Variants in MMP16 observed in about 807,000 individuals in gnomAD.
MMP16 encodes the protein matrix metalloproteinase-16.
MMP16 carries 12 observed loss-of-function variants against 67.8 expected under a neutral mutation model. That is an observed-to-expected ratio of 0.18 (90% CI 0.11 to 0.29). The LOEUF (loss-of-function observed/expected upper bound fraction) is 0.29, where lower values mean the gene tolerates loss of function less well. MMP16 is among the 10% of genes least tolerant of loss of function. The pLI is 1.00. For synonymous variants in MMP16, 249 were observed against 255.9 expected (o/e 0.97, Z 0.26); for missense variants, 475 against 765.7 (o/e 0.62, Z 4.48).
chr8:88,213,476 A>C (rs980620403), intron 1 of MMP16, among the ~76,000 whole-genome samples: 32 of 152,288 alleles, frequency 2.1e-4, no homozygotes, highest in African/African-American at 7.5e-4. Flanking sequence ...AAAGAATAGA[A>C]AATAAGGTAA....
At chr8:88,166,688 C>CATATATATATATATATATAT (rs1166566212) in intron 4 of MMP16, among the ~76,000 whole-genome samples, 1 of 58,392 alleles carries the variant, frequency 1.7e-5, no homozygotes, top group African/African-American at 5.5e-5. Flanking sequence ...CAAAAAATTA[C>CATATATATATATATATATAT]ATATATATAT....
chr8:88,051,089 T>G (rs1268222531), intron 8 of MMP16, among the ~76,000 whole-genome samples: 1 of 152,236 alleles, frequency 6.6e-6, no homozygotes, highest in Non-Finnish European at 1.5e-5. Flanking sequence ...GTCTGCTTTG[T>G]GTCAGCTTTG....
At chr8:88,188,547 ATTACT>A (rs1809115298) in intron 2 of MMP16, among the ~76,000 whole-genome samples, 1 of 152,160 alleles carries the variant, frequency 6.6e-6, no homozygotes. Context: ...AGTCTCTAAA[ATTACT>A]TTAGTATGTA....
intron 7 of MMP16, among the ~76,000 whole-genome samples, chr8:88,060,879 G>A (rs1406582476): frequency 1.3e-5 from 2 of 151,834 alleles, no homozygotes; most frequent in Admixed American, 1.3e-4. Flanking sequence ...TCAAATATAG[G>A]ATCAAAAATC....
intron 1 of MMP16, among the ~76,000 whole-genome samples, chr8:88,219,619 G>A (rs1226726969): frequency 2.6e-5 from 4 of 152,110 alleles, no homozygotes; most frequent in Non-Finnish European, 5.9e-5. Flanking sequence ...GAGACCAACA[G>A]CCATTTAAAA....
intron 1 of MMP16, among the ~76,000 whole-genome samples, chr8:88,312,173 C>T (rs1811305419): frequency 6.6e-6 from 1 of 152,036 alleles, no homozygotes; most frequent in Non-Finnish European, 1.5e-5. Context: ...AAGAGAGATG[C>T]CAACTGGAGA....
chr8:88,104,006 C>A (rs767247072), intron 6 of MMP16, among the ~76,000 whole-genome samples: 1 of 151,622 alleles, frequency 6.6e-6, no homozygotes, highest in African/African-American at 2.4e-5. Flanking sequence ...TTTAGTCAGT[C>A]TAAAGAAAAA....
intron 6 of MMP16, among the ~76,000 whole-genome samples, chr8:88,076,838 C>T (rs1308860091): frequency 6.6e-6 from 1 of 152,064 alleles, no homozygotes; most frequent in Non-Finnish European, 1.5e-5. Context: ...AATAACTGAC[C>T]ATGACTATAT....
At chr8:88,061,151 C>T (rs1429224779) in intron 7 of MMP16, among the ~76,000 whole-genome samples, 1 of 151,278 alleles carries the variant, frequency 6.6e-6, no homozygotes, top group Non-Finnish European at 1.5e-5. Context: ...CACACACACA[C>T]ACACACACAC....
rs183992256 is a variant in MMP16, at chr8:88,173,232, T to C, written c.405-5259A>G. On this transcript the variant is annotated intron_variant, in intron 3 of 9. Coordinates refer to ENST00000286614, the MANE Select transcript of MMP16 (RefSeq NM_005941.5). Reference sequence around the variant, plus strand: ...ACGCCTGGCTAATTTTTATACCTTTTGTAGAGACAGGGTTTTGCCATGTTG... The same window carrying C: ...ACGCCTGGCTAATTTTTATACCTTTCGTAGAGACAGGGTTTTGCCATGTTG... Among the ~76,000 whole-genome samples, 8 of 152,194 alleles carry C rather than the reference T, an allele frequency of 5.3e-5. No individual in the cohort carries two copies. In the East Asian group the frequency reaches 1.5e-3, roughly 29 times the overall value.
intron 7 of MMP16, among the ~76,000 whole-genome samples, chr8:88,062,653 G>C (rs1352821430): frequency 6.6e-6 from 1 of 151,368 alleles, no homozygotes; most frequent in Non-Finnish European, 1.5e-5. Flanking sequence ...ACCGGGGCCT[G>C]TTGTGGGGTG....
intron 3 of MMP16, among the ~76,000 whole-genome samples, chr8:88,183,358 G>A (rs1310656482): frequency 4.6e-5 from 7 of 152,090 alleles, no homozygotes; most frequent in Non-Finnish European, 7.4e-5. Flanking sequence ...TGTACTATCC[G>A]CTTAATTTTT....
intron 1 of MMP16, among the ~76,000 whole-genome samples, chr8:88,286,891 C>T (rs983882639): frequency 3.9e-5 from 6 of 152,022 alleles, no homozygotes; most frequent in Admixed American, 1.3e-4. Flanking sequence ...TGATCAACAG[C>T]GCTAAAGATT....
intron 4 of MMP16, among the ~76,000 whole-genome samples, chr8:88,151,841 GA>G: frequency 7.9e-6 from 1 of 126,344 alleles, no homozygotes; most frequent in Non-Finnish European, 1.6e-5. Context: ...AAAGCTAGCA[GA>G]AGGCAAGAAA....
At chr8:88,229,694 T>G (rs988164773) in intron 1 of MMP16, among the ~76,000 whole-genome samples, 13 of 145,932 alleles carry the variant, frequency 8.9e-5, no homozygotes, top group African/African-American at 3.3e-4. Context: ...ACCTAGTGAT[T>G]GTTAGAAAAA....
intron 1 of MMP16, among the ~76,000 whole-genome samples, chr8:88,247,453 G>A (rs946140858): frequency 1.3e-5 from 2 of 152,040 alleles, no homozygotes; most frequent in African/African-American, 4.8e-5. Context: ...GGAAACACGT[G>A]GCACGTTCAA....
At position 88,208,424 on chromosome 8, in the gene MMP16, TC is replaced by T. The variant is rs560708666; in HGVS notation, c.133-11119del. ...GTACCTTGCCAGTAAGGCAAGTTCT[TC>T]TTTTATTGTTCTTTAAAGTTCTTCT... is the stretch of plus-strand genomic sequence containing the variant. On this transcript the variant is annotated intron_variant, in intron 1 of 9. Transcript: ENST00000286614. Among the ~76,000 whole-genome samples the T allele has an allele frequency of 3.7e-3, 561 of 152,352 alleles. 4 individuals carry two copies. The highest frequency in any genetic ancestry group is 0.013 in the African/African-American group (533 of 41,588).
chr8:88,069,387 G>A (rs749656356), intron 7 of MMP16: 1 of 490,636 alleles, frequency 2.0e-6, no homozygotes. Flanking sequence ...TGTGATGGAA[G>A]ATAATTCTTC....
intron 1 of MMP16, among the ~76,000 whole-genome samples, chr8:88,239,311 A>AAAAG (rs1554587880): frequency 2.0e-5 from 3 of 151,442 alleles, no homozygotes; most frequent in African/African-American, 4.8e-5. Flanking sequence ...AAAAAAAAAA[A>AAAAG]AAAGAAAATT....
Sources: gnomAD v4.1 joint callset for allele counts (sites outside exome capture counted in the v4.1 genomes callset) on GRCh38, gnomAD v4.1.1 for gene constraint, MANE v1.5 for transcripts, NCBI Gene and HGNC (gene_info 2026-07-23, HGNC 2026-07-21) for gene names.